Variants in PDE4A observed in about 807,000 individuals in gnomAD.
PDE4A encodes 3',5'-cyclic-AMP phosphodiesterase 4A.
Under a neutral mutation model 73.9 loss-of-function variants are expected in PDE4A, and 21 were observed. The observed-to-expected ratio is 0.28, with a 90% CI of 0.20 to 0.41. The LOEUF (loss-of-function observed/expected upper bound fraction) is 0.41, where lower values mean the gene tolerates loss of function less well. PDE4A is among the 10% of genes least tolerant of loss of function. The pLI is 1.00. For synonymous variants in PDE4A, 463 were observed against 505.4 expected, an observed-to-expected ratio of 0.92 and a Z score of 1.13; for missense variants, 958 against 1,211.4, an observed-to-expected ratio of 0.79 and a Z score of 3.10.
chr19:10,428,972 G>A (rs2042752577), intron 1 of PDE4A: 2 of 693,948 alleles, frequency 2.9e-6, no homozygotes, highest in Non-Finnish European at 3.5e-6. Context: ...AGGTATTGTG[G>A]CACATGCCTG....
rs1049127193 is a variant in PDE4A at position 10,457,774 on chromosome 19, G to A, written c.878-105G>A. 18 of 1,527,662 alleles carry A rather than the reference G, an allele frequency of 1.2e-5. No individual in the cohort carries two copies. In the East Asian group the frequency reaches 1.4e-4, roughly 12 times the overall value. 94.6% of individuals were successfully genotyped at this position (1,527,662 alleles called of 1,614,324 possible). A position where few individuals can be genotyped will look rare whatever the true frequency, so the allele number is the denominator to read the frequency against. On this transcript the variant is annotated intron_variant, in intron 7 of 14. Transcript: ENST00000380702. ...GCATCACAGCTGAAAGGGTTCTGCCGTTTCGGGTGAGCCTTCCCCGTACGT... is the reference window on the plus strand; with the variant it reads ...GCATCACAGCTGAAAGGGTTCTGCCATTTCGGGTGAGCCTTCCCCGTACGT...
At chr19:10,417,961 C>A, upstream of PDE4A, 1 of 1,379,886 alleles carries the variant, frequency 7.2e-7, no homozygotes, top group Non-Finnish European at 9.8e-7. Context: ...TCTCCATGCT[C>A]CCTGCCGTTT....
At position 10,461,144 on chromosome 19, in the gene PDE4A, G is replaced by A. The variant is rs778611885; in HGVS notation, c.1465+41G>A. 1.8e-5 allele frequency: 29 copies of A among 1,597,156 alleles called. 1 individual carries two copies. In the South Asian group the frequency reaches 3.1e-4, roughly 17 times the overall value. The stretch of plus-strand genomic sequence containing the variant: ...CAGGGGCGGGGTTTGCTGAGTTGGA[G>A]GCGGTGTTGGCCAGGCTGGGGGCGG... On this transcript the variant is annotated intron_variant, in intron 11 of 14. Coordinates refer to ENST00000380702, the MANE Select transcript of PDE4A (RefSeq NM_001111307.2).
intron 1 of PDE4A, among the ~76,000 whole-genome samples, chr19:10,444,327 T>C (rs1243390894): frequency 6.6e-6 from 1 of 151,562 alleles, no homozygotes; most frequent in African/African-American, 2.4e-5. Context: ...CCAGCCTGAC[T>C]GTGTCTACTG....
chr19:10,448,806 A>T, intron 2 of PDE4A, 111 bp from the exon 3 acceptor site: 1 of 1,557,044 alleles, frequency 6.4e-7, no homozygotes. Context: ...CCTAGGTCCC[A>T]CAGAGTCCCC....
intron 1 of PDE4A, among the ~76,000 whole-genome samples, chr19:10,426,435 TA>T (rs1262678645): frequency 2.0e-5 from 3 of 152,202 alleles, no homozygotes; most frequent in African/African-American, 7.2e-5. Context: ...TAGCTATTGT[TA>T]GTGTTAGTGT....
intron 10 of PDE4A, 140 bp downstream of exon 10, chr19:10,459,899 G>A: frequency 9.3e-7 from 1 of 1,079,134 alleles, no homozygotes. Flanking sequence ...TTTTCTTTTT[G>A]AGACGGAGTC....
In PDE4A at chr19:10,453,085, C is replaced by G; in HGVS notation, c.784-1744C>G. ...CTGGCGGGCCATGTAACCAGGGCTG[C>G]TGCTGGGAGCGCGGAGGGGAAGGGA... is the stretch of plus-strand genomic sequence containing the variant. On this transcript the variant is annotated intron_variant, in intron 6 of 14. Coordinates refer to ENST00000380702, the MANE Select transcript of PDE4A (RefSeq NM_001111307.2). This position sits in a 1 kb window ranked among gnomAD's most constrained non-coding sequence, Gnocchi z 4.6. 1 of 1,343,070 alleles carries G rather than the reference C, an allele frequency of 7.4e-7. No individual in the cohort carries two copies. The highest frequency in any genetic ancestry group is 9.5e-7 in the Non-Finnish European group (1 of 1,049,340). 83.2% of individuals were successfully genotyped at this position (1,343,070 alleles called of 1,614,324 possible). A position where few individuals can be genotyped will look rare whatever the true frequency, so the allele number is the denominator to read the frequency against.
intron 1 of PDE4A, among the ~76,000 whole-genome samples, chr19:10,439,590 A>G (rs1896612518): frequency 6.6e-6 from 1 of 152,090 alleles, no homozygotes; most frequent in African/African-American, 2.4e-5. Context: ...GTTGGAATGG[A>G]GAGTGCAGCA....
chr19:10,458,110 G>T lies in PDE4A; in HGVS notation c.1101+8G>T, dbSNP rs774194700. On this transcript the variant is annotated splice_region_variant and intron_variant, in intron 8 of 14. Transcript: ENST00000380702. The surrounding 1 kb of genome is among the most constrained non-coding windows in gnomAD (Gnocchi z 4.6). Reference sequence around the variant, plus strand: ...GAAGAGCTCCTGGCCCAAGTGGGTGGGGGCTCAGTAGGGGCAGGGCTGGAG... The same window carrying T: ...GAAGAGCTCCTGGCCCAAGTGGGTGTGGGCTCAGTAGGGGCAGGGCTGGAG... 8.1e-6 allele frequency: 13 copies of T among 1,613,372 alleles called. No individual in the cohort carries two copies. In the East Asian group the frequency reaches 1.1e-4, roughly 14 times the overall value.
intron 1 of PDE4A, among the ~76,000 whole-genome samples, chr19:10,423,395 G>A (rs1479572552): frequency 6.6e-6 from 1 of 151,956 alleles, no homozygotes; most frequent in Admixed American, 6.6e-5. Context: ...CTGACCTCAG[G>A]TGATCTGCCC....
chr19:10,423,141 A>C lies in PDE4A; in HGVS notation c.320+2057A>C, dbSNP rs982600923. ...GGCATATGGAGAAACTGGAGCCCAG[A>C]GACAAAACCCTTTCTCTTTTTTTTT... is the stretch of plus-strand genomic sequence containing the variant. On this transcript the variant is annotated intron_variant, in intron 1 of 14. Transcript: ENST00000380702. 54 of 945,292 alleles carry C rather than the reference A, an allele frequency of 5.7e-5. 1 individual carries two copies. The African/African-American group carries it at 9.6e-4, about 17-fold the overall frequency. 58.6% of individuals were successfully genotyped at this position (945,292 alleles called of 1,614,324 possible). A position where few individuals can be genotyped will look rare whatever the true frequency, so the allele number is the denominator to read the frequency against.
At chr19:10,456,962 C>A (rs2043179544) in intron 7 of PDE4A, among the ~76,000 whole-genome samples, 1 of 152,154 alleles carries the variant, frequency 6.6e-6, no homozygotes, top group African/African-American at 2.4e-5. Context: ...CTTTGGGAGG[C>A]CGAGGCAGGC....
rs142958982 is a variant in PDE4A, at chr19:10,457,924, G to A, written c.923G>A (p.Arg308Gln). 161 of 1,612,826 alleles carry A rather than the reference G, an allele frequency of 1.0e-4. No individual in the cohort carries two copies. In the African/African-American group the frequency reaches 1.9e-3, roughly 19 times the overall value. Residue 308 changes from arginine to glutamine, a missense_variant, in exon 8 of 15, where the codon CGA (arginine) becomes CAA (glutamine). Around this residue, in one of 3 missense-constraint regions of PDE4A, gnomAD observed 570 missense variants for 827.7 expected, o/e 0.69. Coordinates refer to ENST00000380702, the MANE Select transcript of PDE4A (RefSeq NM_001111307.2). ...VEIPSPTMKE[R>Q]EKQQAPRPRP... ...ATCCCATCACCCACGATGAAGGAAC[G>A]AGAAAAACAGCAAGCGCCGCGACCA...
intron 1 of PDE4A, among the ~76,000 whole-genome samples, chr19:10,426,662 G>A (rs542552962): frequency 2.6e-5 from 4 of 151,264 alleles, no homozygotes; most frequent in African/African-American, 7.3e-5. Context: ...CTTGAGGCCA[G>A]GAGTTCGAGA....
intron 1 of PDE4A, among the ~76,000 whole-genome samples, chr19:10,422,379 G>A (rs1568363137): frequency 6.6e-6 from 1 of 152,118 alleles, no homozygotes; most frequent in Non-Finnish European, 1.5e-5. Flanking sequence ...CCCTCTGCCT[G>A]GTGTATCCTA....
chr19:10,457,841 G>C, intron 7 of PDE4A, 38 bp from the exon 8 acceptor site: 1 of 1,610,172 alleles, frequency 6.2e-7, no homozygotes, highest in East Asian at 2.2e-5. Flanking sequence ...GGGGTGGAAG[G>C]GTTGTTCACA....
chr19:10,432,652 C>A, intron 1 of PDE4A: 3 of 1,359,758 alleles, frequency 2.2e-6, no homozygotes, highest in South Asian at 2.8e-5. Flanking sequence ...GGTGCTGAGT[C>A]TACCTGGGTG....
At chr19:10,436,412 G>A (rs899266218) in intron 1 of PDE4A, among the ~76,000 whole-genome samples, 2 of 151,828 alleles carry the variant, frequency 1.3e-5, no homozygotes, top group South Asian at 2.1e-4. Context: ...AAAATTAGCC[G>A]GGCATGGTGA....
Sources: allele counts gnomAD v4.1 joint callset (sites outside exome capture counted in the v4.1 genomes callset), GRCh38; gene constraint gnomAD v4.1.1; regional missense constraint gnomAD v4.1.1; non-coding constraint Gnocchi (gnomAD v3.1); transcripts MANE v1.5; gene names NCBI Gene and HGNC (gene_info 2026-07-23, HGNC 2026-07-21).